The following VIT variants were observed in gnomAD, a reference collection of about 807,000 sequenced individuals.
VIT encodes the protein vitrin.
Under a neutral mutation model 78.0 loss-of-function variants are expected in VIT, and 99 were observed. That is an observed-to-expected ratio of 1.27 (90% CI 1.08 to 1.50). The LOEUF is 1.50. VIT is among the 40% of genes most tolerant of loss of function. VIT has a pLI of 0.00. For missense variants in VIT, 1,126 were observed against 875.3 expected (o/e 1.29, Z -3.61); for synonymous variants, 374 against 334.3 (o/e 1.12, Z -1.29).
intron 13 of VIT, among the ~76,000 whole-genome samples, chr2:36,801,943 GT>G (rs1208159424): frequency 6.6e-6 from 1 of 152,122 alleles, no homozygotes; most frequent in Non-Finnish European, 1.5e-5. Context: ...CAAGTCTGCT[GT>G]CCTGACTATT....
intron 9 of VIT, among the ~76,000 whole-genome samples, chr2:36,779,292 C>T (rs1670250748): frequency 6.6e-6 from 1 of 152,200 alleles, no homozygotes; most frequent in African/African-American, 2.4e-5. Flanking sequence ...TGAGTTTCCT[C>T]ACCTGTAAAA....
intron 1 of VIT, among the ~76,000 whole-genome samples, chr2:36,713,633 A>G (rs1420012552): frequency 1.3e-5 from 2 of 152,228 alleles, no homozygotes; most frequent in Non-Finnish European, 2.9e-5. Flanking sequence ...GAGAGGGCAG[A>G]ACCTACCACA....
At chr2:36,796,180 T>C (rs1665888686) in intron 12 of VIT, among the ~76,000 whole-genome samples, 1 of 151,994 alleles carries the variant, frequency 6.6e-6, no homozygotes, top group Non-Finnish European at 1.5e-5. Context: ...TTTATGGTCA[T>C]GTTATCCAAA....
chr2:36,754,861 G>T, intron 4 of VIT, 60 bp from the exon 5 acceptor site: 1 of 1,569,026 alleles, frequency 6.4e-7, no homozygotes, highest in Non-Finnish European at 8.7e-7. Context: ...TTTCTAGCCT[G>T]TTGATCACGT....
In VIT at chr2:36,696,754, G is replaced by GTAT. The variant is rs1333635603; in HGVS notation, c.-238_-237insTAT. ...AGCATGTGTGTGTGTGTATGTGTGT[G>GTAT]GGGGGGGGTGTAAAATGTGTTTTTC... On this transcript the variant is annotated 5_prime_UTR_variant, in exon 1 of 16. In the 5' UTR this introduces an upstream ATG that the reference lacks. Transcript: ENST00000379242. The GTAT allele has an allele frequency of 6.8e-4, 103 of 151,184 alleles. No individual in the cohort carries two copies. The highest frequency in any genetic ancestry group is 2.4e-3 in the African/African-American group (99 of 41,052). The allele number at this position is 151,184 out of a possible 1,614,324, so 9.4% of individuals were successfully genotyped here.
intron 4 of VIT, among the ~76,000 whole-genome samples, chr2:36,752,070 A>G (rs1245429681): frequency 6.6e-6 from 1 of 152,192 alleles, no homozygotes; most frequent in Non-Finnish European, 1.5e-5. Context: ...AACTCAGATT[A>G]ATTTGTACTA....
intron 15 of VIT, among the ~76,000 whole-genome samples, chr2:36,812,086 G>T (rs1667213719): frequency 6.6e-6 from 1 of 152,218 alleles, no homozygotes; most frequent in Non-Finnish European, 1.5e-5. Context: ...CAGCAAAGCT[G>T]CTCTCACTGA....
intron 10 of VIT, among the ~76,000 whole-genome samples, chr2:36,782,571 T>C (rs1337005647): frequency 5.9e-5 from 9 of 152,230 alleles, no homozygotes; most frequent in Admixed American, 5.9e-4. Flanking sequence ...TCACTTCCAG[T>C]GCTGCAAGCG....
intron 1 of VIT, among the ~76,000 whole-genome samples, chr2:36,706,497 C>G (rs1051939354): frequency 1.3e-4 from 20 of 152,114 alleles, no homozygotes; most frequent in African/African-American, 4.6e-4. Context: ...GGGATCTTCT[C>G]CCCCTGCTCC....
At chr2:36,779,971 G>A (rs984341952) in intron 9 of VIT, among the ~76,000 whole-genome samples, 2 of 152,152 alleles carry the variant, frequency 1.3e-5, no homozygotes, top group African/African-American at 4.8e-5. Flanking sequence ...GCTCCCAGTT[G>A]GTCTTTGGTT....
At chr2:36,765,945 G>A (rs757747638) in intron 6 of VIT, among the ~76,000 whole-genome samples, 9 of 152,252 alleles carry the variant, frequency 5.9e-5, no homozygotes, top group Non-Finnish European at 1.2e-4. Context: ...GACAGAAGCT[G>A]GCATGCCCCA....
intron 15 of VIT, among the ~76,000 whole-genome samples, chr2:36,812,770 C>G (rs988585609): frequency 6.6e-6 from 1 of 152,102 alleles, no homozygotes; most frequent in South Asian, 2.1e-4. Context: ...TCAGTCTCAA[C>G]TCACAGTAGT....
intron 9 of VIT, among the ~76,000 whole-genome samples, chr2:36,778,565 C>T (rs1329267965): frequency 1.3e-5 from 2 of 152,214 alleles, no homozygotes; most frequent in Non-Finnish European, 2.9e-5. Flanking sequence ...AAATACCCCA[C>T]ACCGAGCCTT....
intron 3 of VIT, among the ~76,000 whole-genome samples, chr2:36,741,754 T>C (rs1667849328): frequency 6.6e-6 from 1 of 152,200 alleles, no homozygotes; most frequent in South Asian, 2.1e-4. Context: ...AGAAATCCTC[T>C]CTGTAACTGT....
chr2:36,718,759 C>T (rs1332160529), intron 2 of VIT, among the ~76,000 whole-genome samples: 3 of 152,170 alleles, frequency 2.0e-5, no homozygotes, highest in African/African-American at 7.2e-5. Flanking sequence ...AGAGACTGGG[C>T]AAGTTCCAGG....
intron 1 of VIT, among the ~76,000 whole-genome samples, chr2:36,715,462 G>A (rs1666066922): frequency 6.7e-6 from 1 of 148,918 alleles, no homozygotes; most frequent in Non-Finnish European, 1.5e-5. Context: ...CTTAAACTCG[G>A]GAGGCAGAGG....
intron 3 of VIT, among the ~76,000 whole-genome samples, chr2:36,737,903 G>A (rs1356948768): frequency 6.6e-6 from 1 of 152,190 alleles, no homozygotes; most frequent in African/African-American, 2.4e-5. Flanking sequence ...AAAAGGAAGA[G>A]GATTAACTTT....
intron 12 of VIT, chr2:36,787,909 T>C (rs1340639278): frequency 2.3e-6 from 1 of 435,636 alleles, no homozygotes; most frequent in Non-Finnish European, 4.6e-6. Context: ...TCTATTATTA[T>C]ACTTAGGATA....
rs143644183 is a variant in VIT at position 36,804,933 on chromosome 2, C to T, written c.1163-505C>T. 5.9e-4 allele frequency among the ~76,000 whole-genome samples: 90 copies of T among 152,184 alleles called. 1 individual carries two copies. Among genetic ancestry groups the T allele is most frequent in the African/African-American group, 2.0e-3 (83 of 41,504 alleles). On this transcript the variant is annotated intron_variant, in intron 13 of 15. Transcript: ENST00000379242. ...AGGCTTGAAATGAAACCAAAATGGACAGTGGTAACGGCTGCACATTGTGAA... is the reference window on the plus strand; with the variant it reads ...AGGCTTGAAATGAAACCAAAATGGATAGTGGTAACGGCTGCACATTGTGAA...
Sources: allele counts gnomAD v4.1 joint callset (sites outside exome capture counted in the v4.1 genomes callset), GRCh38; gene constraint gnomAD v4.1.1; transcripts MANE v1.5; gene names NCBI Gene and HGNC (gene_info 2026-07-23, HGNC 2026-07-21).